Variants in TMEM117 observed in about 807,000 individuals in gnomAD.
TMEM117 encodes transmembrane protein 117.
Under a neutral mutation model 52.4 loss-of-function variants are expected in TMEM117, and 27 were observed. The observed-to-expected ratio is 0.51, with a 90% CI of 0.38 to 0.71. The LOEUF is 0.71. Ranked by LOEUF, TMEM117 falls within the 30% of genes least tolerant of loss-of-function variation. The pLI is 0.00. For missense variants in TMEM117, 556 were observed against 630.5 expected (o/e 0.88, Z 1.26); for synonymous variants, 215 against 206.3 (o/e 1.04, Z -0.36).
chr12:44,301,069 A>T (rs1393385665), intron 6 of TMEM117, among the ~76,000 whole-genome samples: 1 of 152,228 alleles, frequency 6.6e-6, no homozygotes, highest in East Asian at 1.9e-4. Flanking sequence ...TACCTCTCTG[A>T]ACCCATCTTA....
intron 5 of TMEM117, among the ~76,000 whole-genome samples, chr12:44,213,390 G>A (rs1456515788): frequency 6.6e-6 from 1 of 152,178 alleles, no homozygotes; most frequent in African/African-American, 2.4e-5. Flanking sequence ...GTTCTTGGGA[G>A]CCCTCTTCCC....
intron 3 of TMEM117, among the ~76,000 whole-genome samples, chr12:44,027,460 C>T (rs1021439345): frequency 1.3e-5 from 2 of 152,116 alleles, no homozygotes; most frequent in African/African-American, 4.8e-5. Flanking sequence ...AGGCATGAGC[C>T]ATCGCATCTG....
chr12:44,289,677 C>T (rs1396369501), intron 5 of TMEM117, among the ~76,000 whole-genome samples: 2 of 151,590 alleles, frequency 1.3e-5, no homozygotes, highest in African/African-American at 4.8e-5. Context: ...CTCAGCCTCC[C>T]GAGTAACTGG....
At position 44,282,390 on chromosome 12, in the gene TMEM117, A is replaced by G. The variant is rs2138598193; in HGVS notation, c.609-17190A>G. On this transcript the variant is annotated intron_variant, in intron 5 of 7. Transcript: ENST00000266534. ...ACAGGAAAATATGGGAAAGTTTGGA[A>G]CTTCTTAGCGACTTACTGAATGGCT... Among the ~76,000 whole-genome samples, 3 of 152,246 alleles carry G rather than the reference A, an allele frequency of 2.0e-5. 1 individual carries two copies. The South Asian group carries it at 6.2e-4, about 32-fold the overall frequency.
At chr12:44,396,325 T>G in the TMEM117 span, among the ~76,000 whole-genome samples, 2 of 152,250 alleles carry the variant, frequency 1.3e-5, no homozygotes, top group Non-Finnish European at 2.9e-5. Context: ...CAAAATAAAA[T>G]GTACTGCCCC....
chr12:44,097,800 G>A (rs1028883204), intron 3 of TMEM117, among the ~76,000 whole-genome samples: 3 of 150,818 alleles, frequency 2.0e-5, no homozygotes, highest in Non-Finnish European at 4.4e-5. Context: ...CATGGCACAT[G>A]TATACATATG....
chr12:44,232,799 T>G (rs1949949741), intron 5 of TMEM117, among the ~76,000 whole-genome samples: 1 of 151,470 alleles, frequency 6.6e-6, no homozygotes, highest in African/African-American at 2.4e-5. Flanking sequence ...CAATTACATA[T>G]TCCTTTATTT....
intron 4 of TMEM117, among the ~76,000 whole-genome samples, chr12:44,184,526 C>T (rs1949250172): frequency 6.6e-6 from 1 of 152,008 alleles, no homozygotes; most frequent in Admixed American, 6.6e-5. Context: ...AGGGAGTTGG[C>T]TCATCATGAC....
chr12:44,398,091 T>TTG, the TMEM117 span, among the ~76,000 whole-genome samples: 12 of 146,424 alleles, frequency 8.2e-5, no homozygotes, highest in African/African-American at 3.3e-4. Flanking sequence ...GTTTTTTTTT[T>TTG]TTGTTTGTTT....
intron 3 of TMEM117, among the ~76,000 whole-genome samples, chr12:44,089,784 T>A (rs757249659): frequency 1.3e-5 from 2 of 152,222 alleles, no homozygotes; most frequent in Non-Finnish European, 2.9e-5. Flanking sequence ...TTAAAGACAG[T>A]AAGTATTTTA....
chr12:44,376,918 G>A (rs1489910227), intron 7 of TMEM117, among the ~76,000 whole-genome samples, 194 bp downstream of exon 7: 1 of 152,126 alleles, frequency 6.6e-6, no homozygotes, highest in Non-Finnish European at 1.5e-5. Flanking sequence ...AGTTACTGGT[G>A]GCTTTGACAA....
chr12:44,150,578 G>C (rs978839463), intron 4 of TMEM117, among the ~76,000 whole-genome samples: 4 of 152,122 alleles, frequency 2.6e-5, no homozygotes, highest in Non-Finnish European at 5.9e-5. Flanking sequence ...GCATAAAAGG[G>C]AAATTATTTT....
At chr12:44,357,526 A>G (rs1951666569) in intron 6 of TMEM117, among the ~76,000 whole-genome samples, 2 of 152,120 alleles carry the variant, frequency 1.3e-5, no homozygotes, top group South Asian at 2.1e-4. Flanking sequence ...GTGGCTATAC[A>G]TAGAGTAGAA....
intron 6 of TMEM117, among the ~76,000 whole-genome samples, chr12:44,371,173 T>G (rs1295290957): frequency 6.6e-6 from 1 of 152,168 alleles, no homozygotes. Context: ...ATTCGGTTGC[T>G]AGGACACTGC....
At chr12:44,163,095 T>A (rs1320361869) in intron 4 of TMEM117, among the ~76,000 whole-genome samples, 1 of 152,228 alleles carries the variant, frequency 6.6e-6, no homozygotes, top group East Asian at 1.9e-4. Context: ...TAGAAAACTT[T>A]AGAGATGACT....
intron 6 of TMEM117, among the ~76,000 whole-genome samples, chr12:44,364,616 G>A (rs943933361): frequency 6.6e-6 from 1 of 151,860 alleles, no homozygotes; most frequent in African/African-American, 2.4e-5. Flanking sequence ...TCATAATTAT[G>A]AGCAAAAAGA....
In TMEM117 at chr12:44,284,565, C is replaced by T. The variant is rs1950616190; in HGVS notation, c.609-15015C>T. Among the ~76,000 whole-genome samples, 3 of 152,226 alleles carry T rather than the reference C, an allele frequency of 2.0e-5. No homozygotes were observed. In the South Asian group the frequency reaches 6.2e-4, roughly 32 times the overall value. On this transcript the variant is annotated intron_variant, in intron 5 of 7. Coordinates refer to ENST00000266534, the MANE Select transcript of TMEM117 (RefSeq NM_032256.3). The stretch of plus-strand genomic sequence containing the variant: ...TAAGAGACACACAGGATTAACATGC[C>T]CATTAGGTGCATCCAACCTAATTTT...
intron 5 of TMEM117, among the ~76,000 whole-genome samples, chr12:44,281,950 G>C (rs1458198917): frequency 6.6e-6 from 1 of 152,156 alleles, no homozygotes; most frequent in African/African-American, 2.4e-5. Context: ...GTCAACTTGA[G>C]TTGTAGCTCC....
At chr12:43,904,601 C>T (rs1449470757) in intron 2 of TMEM117, among the ~76,000 whole-genome samples, 1 of 152,086 alleles carries the variant, frequency 6.6e-6, no homozygotes, top group African/African-American at 2.4e-5. Context: ...AACCCTGCCT[C>T]AGTGACTCCT....
Sources: gnomAD v4.1 joint callset for allele counts (sites outside exome capture counted in the v4.1 genomes callset) on GRCh38, gnomAD v4.1.1 for gene constraint, MANE v1.5 for transcripts, NCBI Gene and HGNC (gene_info 2026-07-23, HGNC 2026-07-21) for gene names.